The following DOK5 variants were observed in gnomAD, a reference collection of about 807,000 sequenced individuals.
DOK5 encodes downstream of tyrosine kinase 5.
In DOK5, 27 loss-of-function variants were observed where a neutral mutation model predicts 43.3. The ratio of observed to expected loss-of-function variants is 0.62; its 90% CI spans 0.46 to 0.86. The LOEUF (loss-of-function observed/expected upper bound fraction) is 0.86. Ranked by LOEUF, DOK5 falls within the 40% of genes least tolerant of loss-of-function variation. DOK5 has a pLI of 0.00. For synonymous variants in DOK5, 146 were observed against 140.1 expected (o/e 1.04, Z -0.30); for missense variants, 373 against 392.9 (o/e 0.95, Z 0.43).
chr20:54,503,604 G>A (rs375999601), intron 1 of DOK5, among the ~76,000 whole-genome samples: 274 of 151,294 alleles, frequency 1.8e-3, no homozygotes, highest in African/African-American at 6.2e-3. Flanking sequence ...CTTTTTTTTG[G>A]ATTTTTATAG....
At chr20:54,540,483 T>C (rs1984115653) in intron 1 of DOK5, among the ~76,000 whole-genome samples, 1 of 151,608 alleles carries the variant, frequency 6.6e-6, no homozygotes. Context: ...CACTATGGAG[T>C]GTTTGCTATA....
intron 6 of DOK5, among the ~76,000 whole-genome samples, chr20:54,632,291 T>C (rs1403945815): frequency 1.3e-5 from 2 of 152,258 alleles, no homozygotes; most frequent in Non-Finnish European, 2.9e-5. Flanking sequence ...GTTTTATGTA[T>C]GGCTTTTTGT....
intron 6 of DOK5, among the ~76,000 whole-genome samples, chr20:54,640,281 G>T (rs879554744): frequency 6.6e-6 from 1 of 152,192 alleles, no homozygotes; most frequent in Non-Finnish European, 1.5e-5. Context: ...GACCTGCGGC[G>T]CTCCAGGTAA....
At chr20:54,584,725 G>GTA (rs369920615) in intron 2 of DOK5, among the ~76,000 whole-genome samples, 11,433 of 148,504 alleles carry the variant, frequency 0.077, 505 homozygotes, top group African/African-American at 0.11. Flanking sequence ...GTGTGTGTGT[G>GTA]TATATATATA....
intron 6 of DOK5, among the ~76,000 whole-genome samples, chr20:54,642,161 C>G (rs888371198): frequency 1.3e-5 from 2 of 152,084 alleles, no homozygotes; most frequent in African/African-American, 4.8e-5. Context: ...ATCCTACAGG[C>G]TCTTTTCTCT....
chr20:54,539,691 T>C (rs1045185344), intron 1 of DOK5, among the ~76,000 whole-genome samples: 7 of 152,168 alleles, frequency 4.6e-5, no homozygotes, highest in Non-Finnish European at 1.0e-4. Context: ...GCTAAGTCAT[T>C]CCAGGCAACC....
At chr20:54,642,474 T>G (rs6014103) in intron 6 of DOK5, among the ~76,000 whole-genome samples, 21 of 149,490 alleles carry the variant, frequency 1.4e-4, no homozygotes, top group African/African-American at 5.2e-4. Flanking sequence ...GAGGCCGAGG[T>G]GGGTGGATCA....
intron 1 of DOK5, among the ~76,000 whole-genome samples, chr20:54,550,997 C>G (rs1055523342): frequency 3.3e-5 from 5 of 152,062 alleles, no homozygotes; most frequent in African/African-American, 1.2e-4. Flanking sequence ...GTGGCTGTAC[C>G]ATGTTGCATT....
intron 2 of DOK5, among the ~76,000 whole-genome samples, chr20:54,559,057 G>C (rs1379078745): frequency 6.6e-6 from 1 of 152,148 alleles, no homozygotes. Flanking sequence ...TTGATTAACT[G>C]TAATTCCCAC....
At chr20:54,501,321 G>T (rs1024786498) in intron 1 of DOK5, among the ~76,000 whole-genome samples, 1 of 151,886 alleles carries the variant, frequency 6.6e-6, no homozygotes, top group Non-Finnish European at 1.5e-5. Context: ...CAAAAAATTA[G>T]CTGGGCGTGG....
intron 6 of DOK5, among the ~76,000 whole-genome samples, chr20:54,641,829 G>A (rs773808631): frequency 1.6e-4 from 25 of 152,220 alleles, no homozygotes; most frequent in Non-Finnish European, 3.2e-4. Context: ...GTGCCTATGT[G>A]TAGTTAACTG....
intron 1 of DOK5, among the ~76,000 whole-genome samples, chr20:54,546,745 T>C (rs981723236): frequency 6.6e-6 from 1 of 152,150 alleles, no homozygotes; most frequent in African/African-American, 2.4e-5. Context: ...CTTCATAGAA[T>C]AACTATAGAA....
At chr20:54,637,875 C>T (rs573350208) in intron 6 of DOK5, among the ~76,000 whole-genome samples, 1 of 152,308 alleles carries the variant, frequency 6.6e-6, no homozygotes, top group Admixed American at 6.5e-5. Context: ...GTAATCCCAG[C>T]ACTTTGGGAG....
intron 2 of DOK5, among the ~76,000 whole-genome samples, chr20:54,572,553 A>G (rs1390257856): frequency 6.6e-6 from 1 of 152,230 alleles, no homozygotes; most frequent in Non-Finnish European, 1.5e-5. Flanking sequence ...TGAGGTGTTC[A>G]GAACGTAATA....
At chr20:54,557,473 T>C (rs1431655513) in intron 2 of DOK5, among the ~76,000 whole-genome samples, 1 of 152,168 alleles carries the variant, frequency 6.6e-6, no homozygotes, top group Non-Finnish European at 1.5e-5. Flanking sequence ...GGGTTCCTAA[T>C]AGGCTATAGA....
At chr20:54,480,560 C>T (rs1274371500) in intron 1 of DOK5, among the ~76,000 whole-genome samples, 1 of 152,220 alleles carries the variant, frequency 6.6e-6, no homozygotes, top group Non-Finnish European at 1.5e-5. Flanking sequence ...CGGGGCTGCT[C>T]CGTCTATGGA....
At chr20:54,544,540 G>A (rs904466126) in intron 1 of DOK5, among the ~76,000 whole-genome samples, 2 of 152,192 alleles carry the variant, frequency 1.3e-5, no homozygotes, top group South Asian at 4.1e-4. Context: ...CACTCCCCAG[G>A]TACAGCCAAT....
intron 6 of DOK5, among the ~76,000 whole-genome samples, chr20:54,636,974 A>T (rs1978854147): frequency 6.6e-6 from 1 of 152,206 alleles, no homozygotes; most frequent in South Asian, 2.1e-4. Flanking sequence ...TGACTAGCAC[A>T]TTGTTTTCAG....
chr20:54,492,639 G>A (rs1422919855), intron 1 of DOK5, among the ~76,000 whole-genome samples: 1 of 151,680 alleles, frequency 6.6e-6, no homozygotes, highest in African/African-American at 2.4e-5. Flanking sequence ...CTTCAAAGAG[G>A]TTGTACCAGG....
Sources: allele counts gnomAD v4.1 joint callset (sites outside exome capture counted in the v4.1 genomes callset), GRCh38; gene constraint gnomAD v4.1.1; transcripts MANE v1.5; gene names NCBI Gene and HGNC (gene_info 2026-07-23, HGNC 2026-07-21).